The following GRAMD2B variants were observed in gnomAD, a reference collection of about 807,000 sequenced individuals.
The protein encoded by GRAMD2B is GRAM domain containing 2B, also known as GRAM domain-containing protein 2B.
A neutral mutation model predicts 59.2 loss-of-function variants in GRAMD2B; 41 were observed. The ratio of observed to expected loss-of-function variants is 0.69; its 90% confidence interval spans 0.54 to 0.90. GRAMD2B has a LOEUF of 0.90. Among genes scored for constraint, GRAMD2B ranks in the 40% least tolerant of loss-of-function variants. GRAMD2B has a pLI of 0.00. For missense variants in GRAMD2B, 424 were observed against 500.5 expected, an observed-to-expected ratio of 0.85 and a Z score of 1.46; for synonymous variants, 161 against 182.7, an observed-to-expected ratio of 0.88 and a Z score of 0.96.
At chr5:126,486,785 G>C (rs1012970420) in intron 11 of GRAMD2B, 88 bp from the exon 12 acceptor site, 1 of 721,648 alleles carries the variant, frequency 1.4e-6, no homozygotes, top group East Asian at 2.6e-5. Context: ...ACCTTGCCTC[G>C]GGTGTACCAC....
chr5:126,365,126 T>C (rs971320681), intron 1 of GRAMD2B, among the ~76,000 whole-genome samples: 3 of 152,230 alleles, frequency 2.0e-5, no homozygotes, highest in African/African-American at 4.8e-5. Flanking sequence ...TTTTCTTCTT[T>C]ATATTTTATT....
chr5:126,486,947 T>C lies in GRAMD2B; in HGVS notation c.1133T>C (p.Leu378Pro). 6.2e-7 allele frequency: 1 copy of C among 1,609,166 alleles called. No individual in the cohort carries two copies. The highest frequency in any genetic ancestry group is 8.5e-7 in the Non-Finnish European group (1 of 1,175,848). The change falls in exon 12 of 14, where the codon CTA (leucine) becomes CCA (proline). Residue 378 changes from leucine (L) to proline (P), a missense_variant. Leu to Pro is a moderately conservative substitution (Grantham distance 98). Coordinates refer to ENST00000285689, the MANE Select transcript of GRAMD2B (RefSeq NM_023927.4). ...ACTCTGGAGGAGCAGCTGGGGTTACTAACCTCCATTGTGGACACCCATAAT... is the reference window on the plus strand; with the variant it reads ...ACTCTGGAGGAGCAGCTGGGGTTACCAACCTCCATTGTGGACACCCATAAT... ...INTLEEQLGLLTSIVDTHNTE... is the reference protein window; with the variant it reads ...INTLEEQLGLPTSIVDTHNTE...
At chr5:126,396,119 T>G (rs1757343139) in intron 1 of GRAMD2B, among the ~76,000 whole-genome samples, 1 of 152,332 alleles carries the variant, frequency 6.6e-6, no homozygotes, top group Admixed American at 6.5e-5. Context: ...CTCATCATGG[T>G]TTTATTTGCA....
Position 126,481,011 on chromosome 5 carries a change from A to C in GRAMD2B, c.735+304A>C. 3 of 386,342 alleles carry C rather than the reference A, an allele frequency of 7.8e-6. No individual in the cohort carries two copies. The South Asian group carries it at 1.0e-4, about 13-fold the overall frequency. 23.9% of individuals were successfully genotyped at this position (386,342 alleles called of 1,614,324 possible). On this transcript the variant is annotated intron_variant, in intron 8 of 13. Transcript: ENST00000285689. ...TCTGTTTGCTTGTCAATATTGGCTT[A>C]GAGGGATTCACAAATCTATTTGAGG...
intron 1 of GRAMD2B, among the ~76,000 whole-genome samples, chr5:126,409,033 G>A (rs1758521741): frequency 1.3e-5 from 2 of 151,240 alleles, no homozygotes. Context: ...CCTTTTTTAT[G>A]GCTGCATAGT....
upstream of GRAMD2B, among the ~76,000 whole-genome samples, chr5:126,419,965 G>T (rs549896283): frequency 6.9e-6 from 1 of 143,998 alleles, no homozygotes; most frequent in South Asian, 2.2e-4. Context: ...TGAGGCAGGA[G>T]AATTGCTTGA....
At chr5:126,447,471 G>A (rs915714203) in intron 1 of GRAMD2B, among the ~76,000 whole-genome samples, 2 of 152,058 alleles carry the variant, frequency 1.3e-5, no homozygotes, top group East Asian at 1.9e-4. Context: ...GACCATCCTC[G>A]ATAACACGGT....
At chr5:126,480,128 AGCCTTTTCTTAATGTCCAG>A (rs1168110978) in intron 6 of GRAMD2B, 27 of 223,000 alleles carry the variant, frequency 1.2e-4, no homozygotes, top group African/African-American at 6.0e-4. Flanking sequence ...GAATGTCACC[AGCCTTTTCTTAATGTCCAG>A]GCCTTTTCTT....
At chr5:126,392,515 T>C (rs928615283) in intron 1 of GRAMD2B, among the ~76,000 whole-genome samples, 3 of 152,148 alleles carry the variant, frequency 2.0e-5, no homozygotes, top group African/African-American at 7.2e-5. Context: ...ACAGGCACTC[T>C]CTAACCAATA....
intron 13 of GRAMD2B, among the ~76,000 whole-genome samples, chr5:126,492,356 C>G (rs1774093889): frequency 1.3e-5 from 2 of 151,548 alleles, no homozygotes; most frequent in South Asian, 4.2e-4. Context: ...TTATCTCAGT[C>G]TCTACTGACA....
intron 1 of GRAMD2B, chr5:126,458,958 C>T (rs575885640): frequency 9.2e-5 from 14 of 152,272 alleles, no homozygotes; most frequent in Middle Eastern, 3.4e-3. Flanking sequence ...CTTTACTTTC[C>T]GCTTTCCGTT....
At chr5:126,447,658 C>T (rs112156766) in intron 1 of GRAMD2B, among the ~76,000 whole-genome samples, 25,928 of 135,822 alleles carry the variant, frequency 0.19, 2,454 homozygotes, top group Non-Finnish European at 0.22. Context: ...AGCAAGACTC[C>T]GTCTCAAAAA....
At position 126,414,195 on chromosome 5, in the gene GRAMD2B, T is replaced by C. The variant is rs1447042096; in HGVS notation, c.125+42628T>C. On this transcript the variant is annotated intron_variant, in intron 1 of 8. Coordinates refer to the GRAMD2B transcript ENST00000506445. Reference sequence around the variant, plus strand: ...CCCACCAGCTCTCATCACCTGATTCTTTGTAGTGTCTACTGCAAATTTATA... The same window carrying C: ...CCCACCAGCTCTCATCACCTGATTCCTTGTAGTGTCTACTGCAAATTTATA... 3.3e-5 allele frequency among the ~76,000 whole-genome samples: 5 copies of C among 152,198 alleles called. No homozygotes were observed. In the East Asian group the frequency reaches 9.6e-4, roughly 29 times the overall value.
At chr5:126,380,014 T>C (rs1004682225) in intron 1 of GRAMD2B, among the ~76,000 whole-genome samples, 7 of 152,232 alleles carry the variant, frequency 4.6e-5, no homozygotes, top group African/African-American at 1.4e-4. Context: ...TTTCTGATGT[T>C]ATATTCTAGA....
At position 126,445,015 on chromosome 5, in the gene GRAMD2B, A is replaced by G. The variant is rs374799809; in HGVS notation, c.84-20411A>G. ...TTCCAGCTCCATCCATGTTCCTGCAAAGGACATGATCTCAGTCTTTTTTAT... is the reference window on the plus strand; with the variant it reads ...TTCCAGCTCCATCCATGTTCCTGCAGAGGACATGATCTCAGTCTTTTTTAT... On this transcript the variant is annotated intron_variant, in intron 1 of 13. Coordinates refer to ENST00000285689, the MANE Select transcript of GRAMD2B (RefSeq NM_023927.4). Among the ~76,000 whole-genome samples, 19 of 152,324 alleles carry G rather than the reference A, an allele frequency of 1.2e-4. No homozygotes were observed. In the East Asian group the frequency reaches 3.3e-3, roughly 26 times the overall value.
rs750364452 is a variant in GRAMD2B at position 126,473,381 on chromosome 5, A to T, written c.486+13A>T. 3.2e-4 allele frequency: 161 copies of T among 510,610 alleles called. No homozygotes were observed. The highest frequency in any genetic ancestry group is 1.2e-3 in the East Asian group (22 of 18,178). The allele number at this position is 510,610 out of a possible 1,614,324, so 31.6% of individuals were successfully genotyped here. Reference sequence around the variant, plus strand: ...AAAAGACACAAAGGTTGGTATAATTAAAAAAAAAAATGCTAACCCTATACT... The same window carrying T: ...AAAAGACACAAAGGTTGGTATAATTTAAAAAAAAAATGCTAACCCTATACT... On this transcript the variant is annotated intron_variant, in intron 5 of 13. Transcript: ENST00000285689.
In GRAMD2B at chr5:126,465,544, T is replaced by C. The variant is rs769424193; in HGVS notation, c.202T>C (p.Trp68Arg). The change falls in exon 2 of 14, where the codon TGG becomes CGG. Residue 68 changes from tryptophan to arginine, a missense_variant and splice_region_variant. Physicochemically the swap from Trp to Arg is moderately radical, Grantham distance 101. Coordinates refer to ENST00000285689, the MANE Select transcript of GRAMD2B (RefSeq NM_023927.4). ...SPDQKKIISL[W>R]SKSSFDGASL... Reference sequence around the variant, plus strand: ...AGACCAGAAGAAAATCATTAGCCTATGGTAAGTCCTCCGTTGACTCTCTTT... The same window carrying C: ...AGACCAGAAGAAAATCATTAGCCTACGGTAAGTCCTCCGTTGACTCTCTTT... 9.3e-6 allele frequency: 15 copies of C among 1,613,246 alleles called. No individual in the cohort carries two copies. Among genetic ancestry groups the C allele is most frequent in the African/African-American group, 2.7e-5 (2 of 74,996 alleles).
intron 1 of GRAMD2B, among the ~76,000 whole-genome samples, chr5:126,448,977 G>A (rs1173518913): frequency 6.6e-6 from 1 of 152,162 alleles, no homozygotes; most frequent in Non-Finnish European, 1.5e-5. Context: ...CTTTTTGAAC[G>A]GCAAAGCACC....
rs371122156 is a variant in GRAMD2B, at chr5:126,476,273, CA to C, written c.487-1409del. On this transcript the variant is annotated intron_variant, in intron 5 of 13. Transcript: ENST00000285689. ...GGGCAACAAGAGCAAAACTCTGTCT[CA>C]AAAAAAAAAGCTCATTTGCTTCCTT... 5.6e-3 allele frequency among the ~76,000 whole-genome samples: 823 copies of C among 147,074 alleles called. 10 individuals carry two copies. Among genetic ancestry groups the C allele is most frequent in the African/African-American group, 0.02 (787 of 40,160 alleles).
Sources: gnomAD v4.1 joint callset for allele counts (sites outside exome capture counted in the v4.1 genomes callset) on GRCh38, gnomAD v4.1.1 for gene constraint, MANE v1.5 for transcripts, NCBI Gene and HGNC (gene_info 2026-07-23, HGNC 2026-07-21) for gene names.